DKK4: variants seen among roughly 807,000 people sequenced by gnomAD.
DKK4 encodes dickkopf Wnt signaling pathway inhibitor 4.
Under a neutral mutation model 14.5 loss-of-function variants are expected in DKK4, and 15 were observed. That is an observed-to-expected ratio of 1.03 (90% CI 0.69 to 1.59). The LOEUF (loss-of-function observed/expected upper bound fraction) is 1.59, where lower values mean the gene tolerates loss of function less well. Ranked by LOEUF, DKK4 falls within the 40% of genes most tolerant of loss-of-function variation. The probability of loss-of-function intolerance (pLI) is 0.00; values close to 1 mark genes in which losing one functional copy is unlikely to be tolerated. For synonymous variants in DKK4, 89 were observed against 105.2 expected (o/e 0.85, Z 0.94); for missense variants, 272 against 280.3 (o/e 0.97, Z 0.21).
upstream of DKK4, among the ~76,000 whole-genome samples, chr8:42,377,709 G>A (rs972339024): frequency 1.3e-5 from 2 of 152,114 alleles, no homozygotes; most frequent in South Asian, 2.1e-4. Context: ...AAGAGAAAAC[G>A]CCCCCTGATT....
At chr8:42,390,573 C>G in the DKK4 span, among the ~76,000 whole-genome samples, 1 of 151,444 alleles carries the variant, frequency 6.6e-6, no homozygotes, top group African/African-American at 2.4e-5. Flanking sequence ...CTGTGTTAGC[C>G]AGGATGGTCT....
rs200089567 is a variant in DKK4, at chr8:42,375,759, C to T, written c.183G>A (p.Pro61=). ...GCAACCCACGACATGTAGCACAGAA[C>T]GGCTTCTCATCGCGGGGCTGGAGGC... The part of the protein sequence containing the change: ...KFCLQPRDEK[P]FCATCRGLRR... Residue 61 remains proline, a synonymous_variant, in exon 2 of 4, where the codon CCG becomes CCA. Coordinates refer to ENST00000220812, the MANE Select transcript of DKK4 (RefSeq NM_014420.3). 2.6e-5 allele frequency: 42 copies of T among 1,614,168 alleles called. No homozygotes were observed. Among genetic ancestry groups the T allele is most frequent in the African/African-American group, 4.0e-5 (3 of 75,050 alleles).
At chr8:42,387,344 C>CT in the DKK4 span, among the ~76,000 whole-genome samples, 12,873 of 44,918 alleles carry the variant, frequency 0.29, 5,337 homozygotes, top group Non-Finnish European at 0.44. Flanking sequence ...GAAGGCCAGT[C>CT]TTTTTTTTTT....
upstream of DKK4, among the ~76,000 whole-genome samples, chr8:42,380,810 AGG>A (rs775691098): frequency 1.1e-5 from 1 of 94,568 alleles, no homozygotes; most frequent in African/African-American, 1.6e-4. Context: ...AAGAAAAGGA[AGG>A]AAGGAAGGAA....
At chr8:42,381,123 G>A (rs975372801), upstream of DKK4, among the ~76,000 whole-genome samples, 4 of 151,842 alleles carry the variant, frequency 2.6e-5, no homozygotes, top group African/African-American at 9.7e-5. Context: ...TTGAGGCAGT[G>A]ACACAGTGAC....
chr8:42,377,102 T>G lies in DKK4; in HGVS notation c.-57A>C. 3 of 1,453,560 alleles carry G rather than the reference T, an allele frequency of 2.1e-6. No individual in the cohort carries two copies. Among genetic ancestry groups the G allele is most frequent in the Non-Finnish European group, 2.9e-6 (3 of 1,051,842 alleles). The allele number at this position is 1,453,560 out of a possible 1,614,324, so 90.0% of individuals were successfully genotyped here. On this transcript the variant is annotated 5_prime_UTR_variant, in exon 1 of 4. Coordinates refer to ENST00000220812, the MANE Select transcript of DKK4 (RefSeq NM_014420.3). ...GCACTGTGCGTCACCAAAGCGAGGC[T>G]GCTCTCCACCCAGAGCAGAGCTTCC...
In DKK4 at chr8:42,376,665, G is replaced by A. The variant is rs999965012; in HGVS notation, c.111+270C>T. ...TGACGTATTACATGTAAAAGAGCTG[G>A]CACATAGTAGAGCTTCCAAAGTGTT... On this transcript the variant is annotated intron_variant, in intron 1 of 3. Transcript: ENST00000220812. 3.3e-5 allele frequency among the ~76,000 whole-genome samples: 5 copies of A among 152,092 alleles called. 1 individual carries two copies. The highest frequency in any genetic ancestry group is 2.6e-4 in the Admixed American group (4 of 15,262).
chr8:42,388,728 G>A, the DKK4 span, among the ~76,000 whole-genome samples: 3 of 148,790 alleles, frequency 2.0e-5, no homozygotes, highest in Non-Finnish European at 1.5e-5. Context: ...ACACCACCAC[G>A]CCCAGCTAAT....
At chr8:42,387,921 T>G in the DKK4 span, among the ~76,000 whole-genome samples, 1 of 152,176 alleles carries the variant, frequency 6.6e-6, no homozygotes, top group Non-Finnish European at 1.5e-5. Flanking sequence ...ATAAGGATCT[T>G]GGTCTGTCAC....
At chr8:42,390,763 G>A in the DKK4 span, among the ~76,000 whole-genome samples, 1 of 152,146 alleles carries the variant, frequency 6.6e-6, no homozygotes, top group Admixed American at 6.5e-5. Context: ...TGATTGTTTC[G>A]TCCTGAAGAG....
chr8:42,379,228 G>T (rs1044441787), upstream of DKK4, among the ~76,000 whole-genome samples: 2 of 146,540 alleles, frequency 1.4e-5, no homozygotes, highest in African/African-American at 5.1e-5. Context: ...TCCAGCCTCG[G>T]CAACAGAGTG....
At chr8:42,381,865 C>T (rs1824685741), upstream of DKK4, among the ~76,000 whole-genome samples, 1 of 152,104 alleles carries the variant, frequency 6.6e-6, no homozygotes, top group African/African-American at 2.4e-5. Context: ...GGCATGATGG[C>T]ACACACCTGT....
upstream of DKK4, among the ~76,000 whole-genome samples, chr8:42,381,639 G>A (rs1181952545): frequency 6.6e-6 from 1 of 152,090 alleles, no homozygotes; most frequent in East Asian, 1.9e-4. Context: ...CTGTGCATAC[G>A]CCAGCCTGTC....
intron 1 of DKK4, 78 bp from the exon 2 acceptor site, chr8:42,375,908 GC>G: frequency 6.5e-7 from 1 of 1,539,016 alleles, no homozygotes. Flanking sequence ...AAGGCAGGAG[GC>G]GGAGGGAGCC....
upstream of DKK4, among the ~76,000 whole-genome samples, chr8:42,380,664 A>C (rs1214620464): frequency 2.0e-5 from 3 of 149,586 alleles, no homozygotes; most frequent in Non-Finnish European, 4.5e-5. Context: ...GGAAGGAAGA[A>C]AGGAAGAAAG....
At chr8:42,374,479 G>A (rs1285603793) in intron 3 of DKK4, 120 bp from the exon 4 acceptor site, 7 of 1,339,442 alleles carry the variant, frequency 5.2e-6, no homozygotes, top group Non-Finnish European at 7.3e-6. Context: ...AACAGACACA[G>A]CACGCAGGTC....
chr8:42,385,694 A>G, the DKK4 span, among the ~76,000 whole-genome samples: 8 of 152,136 alleles, frequency 5.3e-5, no homozygotes, highest in African/African-American at 1.4e-4. Context: ...TGATTCCAGG[A>G]GCATTTCCCA....
At position 42,377,037 on chromosome 8, in the gene DKK4, C is replaced by A. The variant is rs373208637; in HGVS notation, c.9G>T (p.Ala3=). The A allele has an allele frequency of 1.2e-6, 2 of 1,612,610 alleles. No homozygotes were observed. Among genetic ancestry groups the A allele is most frequent in the Non-Finnish European group, 1.7e-6 (2 of 1,179,982 alleles). Residue 3 remains alanine (A), a synonymous_variant, in exon 1 of 4, where the codon GCG becomes GCT. Transcript: ENST00000220812. MV[A]AVLLGLSWLC... ...GCCAGCTCAGCCCCAGCAGGACGGC[C>A]GCCACCATCCTTCAATCCCGGGGCT... is the stretch of plus-strand genomic sequence containing the variant.
At chr8:42,390,410 CTGGAGTGCAG>C in the DKK4 span, among the ~76,000 whole-genome samples, 1 of 132,704 alleles carries the variant, frequency 7.5e-6, no homozygotes, top group Non-Finnish European at 1.5e-5. Context: ...GTCGCCCAGG[CTGGAGTGCAG>C]TGGCGCGATC....
Sources: allele counts gnomAD v4.1 joint callset (sites outside exome capture counted in the v4.1 genomes callset), GRCh38; gene constraint gnomAD v4.1.1; transcripts MANE v1.5; gene names NCBI Gene and HGNC (gene_info 2026-07-23, HGNC 2026-07-21).